The following COL4A6 variants were observed in gnomAD, a reference collection of about 807,000 sequenced individuals.
COL4A6 encodes the protein collagen type IV alpha 6 chain, also known as collagen alpha-6(IV) chain.
Under a neutral mutation model 126.7 loss-of-function variants are expected in COL4A6, and 59 were observed. That is an observed-to-expected ratio of 0.47 (90% CI 0.38 to 0.58). COL4A6 has a LOEUF of 0.58. COL4A6 is among the 20% of genes least tolerant of loss of function. The probability of loss-of-function intolerance (pLI) is 0.00; values close to 1 mark genes in which losing one functional copy is unlikely to be tolerated. For synonymous variants in COL4A6, 547 were observed against 496.6 expected, an observed-to-expected ratio of 1.10 and a Z score of -1.35; for missense variants, 1,285 against 1,337.3, an observed-to-expected ratio of 0.96 and a Z score of 0.61.
intron 8 of COL4A6, 79 bp downstream of exon 8, chrX:108,209,890 C>T (rs746310201): frequency 2.6e-4 from 284 of 1,078,752 alleles, no homozygotes; most frequent in Non-Finnish European, 3.3e-4. Flanking sequence ...GACCTTAGAA[C>T]ATCATAGAGA....
intron 13 of COL4A6, among the ~76,000 whole-genome samples, chrX:108,201,421 A>T (rs1487614142): frequency 8.9e-6 from 1 of 112,224 alleles, no homozygotes; most frequent in Non-Finnish European, 1.9e-5. Flanking sequence ...CTGTAAAAAT[A>T]TATATATACC....
rs184571309 is a variant in COL4A6 at position 108,369,993 on chromosome X, C to T, written c.64-59165G>A. On this transcript the variant is annotated intron_variant, in intron 2 of 44. Transcript: ENST00000334504. ...TCTAATCCAATCTTAACTCCCATAA[C>T]AAAGAGGGACCATTTCCCCAGAAGG... Among the ~76,000 whole-genome samples the T allele has an allele frequency of 5.3e-4, 59 of 111,977 alleles. No homozygotes were observed. In the East Asian group the frequency reaches 0.011, roughly 20 times the overall value.
At chrX:108,439,137 T>C (rs2064331984), upstream of COL4A6, among the ~76,000 whole-genome samples, 1 of 111,510 alleles carries the variant, frequency 9.0e-6, no homozygotes, top group Admixed American at 9.6e-5. Flanking sequence ...TTCCCTGCCC[T>C]AAATCTTTCT....
chrX:108,302,254 CA>C (rs758936469), intron 3 of COL4A6, among the ~76,000 whole-genome samples: 4 of 111,396 alleles, frequency 3.6e-5, no homozygotes, highest in Non-Finnish European at 7.5e-5. Flanking sequence ...ATGAAATAAA[CA>C]GCATGTTAAA....
At chrX:108,179,643 T>A (rs900319457) in intron 25 of COL4A6, among the ~76,000 whole-genome samples, 2 of 109,995 alleles carry the variant, frequency 1.8e-5, no homozygotes, top group African/African-American at 6.6e-5. Context: ...GAGGTTCTAG[T>A]TCTGGGAGGC....
At chrX:108,302,897 C>A (rs2038525997) in intron 3 of COL4A6, among the ~76,000 whole-genome samples, 1 of 110,969 alleles carries the variant, frequency 9.0e-6, no homozygotes, top group African/African-American at 3.3e-5. Flanking sequence ...ATTATTTAAT[C>A]CTAAATCTTA....
Position 108,156,693 on chromosome X carries a change from G to A in COL4A6, c.*307C>T, listed in dbSNP as rs1481814514. The A allele has an allele frequency of 1.6e-5, 5 of 322,426 alleles. No homozygotes were observed. The allele number at this position is 322,426 out of a possible 1,213,427, so 26.6% of individuals were successfully genotyped here. On this transcript the variant is annotated 3_prime_UTR_variant, in exon 45 of 45. Transcript: ENST00000334504. ...GATCAAGACGGTAAGGAGAAAGCTA[G>A]CAGTCTAAGACAGTTGTGGCCCATC...
chrX:108,160,620 A>G lies in COL4A6; in HGVS notation c.4368T>C (p.Pro1456=). The stretch of plus-strand genomic sequence containing the variant: ...CTCTCATGCTCTGGCCAGGCATTCC[A>G]GGCATCCCGAAGGGGCCTTGCTGCC... ...APGQQGPFGM[P]GMPGQSMRVG... Residue 1456 remains proline (P), a synonymous_variant, in exon 43 of 45, where the codon CCT becomes CCC. Coordinates refer to ENST00000334504, the MANE Select transcript of COL4A6 (RefSeq NM_033641.4). 1 of 1,210,044 alleles carries G rather than the reference A, an allele frequency of 8.3e-7. No homozygotes were observed. The highest frequency in any genetic ancestry group is 1.1e-6 in the Non-Finnish European group (1 of 894,732).
At position 108,196,508 on chromosome X, in the gene COL4A6, T is replaced by C; in HGVS notation, c.903+3A>G. 8.3e-7 allele frequency: 1 copy of C among 1,207,095 alleles called. No individual in the cohort carries two copies. The highest frequency in any genetic ancestry group is 1.1e-6 in the Non-Finnish European group (1 of 891,584). ...CCAGGCAAGTAACATTCGAGGTTCATACCCTAGGTCCTGGCAAACCAGGGA... is the reference window on the plus strand; with the variant it reads ...CCAGGCAAGTAACATTCGAGGTTCACACCCTAGGTCCTGGCAAACCAGGGA... On this transcript the variant is annotated splice_donor_region_variant and intron_variant, in intron 14 of 44. Transcript: ENST00000334504.
Position 108,281,421 on chromosome X carries a change from A to G in COL4A6, c.144+29327T>C, listed in dbSNP as rs770910927. Among the ~76,000 whole-genome samples, 393 of 94,184 alleles carry G rather than the reference A, an allele frequency of 4.2e-3. 4 individuals are homozygous for G. The highest frequency in any genetic ancestry group is 0.027 in the East Asian group (81 of 2,964). 81.8% of individuals were successfully genotyped at this position (94,184 alleles called of 115,157 possible). On this transcript the variant is annotated intron_variant, in intron 3 of 44. Transcript: ENST00000334504. ...TTGCTTCAAAGAGAATAAAATACCTAGGAATCCAACTTACAAGGGATGTGA... is the reference window on the plus strand; with the variant it reads ...TTGCTTCAAAGAGAATAAAATACCTGGGAATCCAACTTACAAGGGATGTGA...
intron 2 of COL4A6, among the ~76,000 whole-genome samples, chrX:108,394,922 A>G (rs2040929773): frequency 9.0e-6 from 1 of 111,326 alleles, no homozygotes; most frequent in African/African-American, 3.3e-5. Flanking sequence ...GTGGTTTTAT[A>G]TATTAAGCAG....
chrX:108,283,163 T>TA (rs1421645513), intron 3 of COL4A6, among the ~76,000 whole-genome samples: 1 of 108,572 alleles, frequency 9.2e-6, no homozygotes, highest in East Asian at 2.9e-4. Context: ...TAAAATAAAA[T>TA]AAAAAAATAA....
At chrX:108,199,893 C>A (rs2035338352) in intron 13 of COL4A6, among the ~76,000 whole-genome samples, 1 of 111,574 alleles carries the variant, frequency 9.0e-6, no homozygotes, top group South Asian at 3.8e-4. Context: ...AAAAAGCCAC[C>A]AAATTGGCTA....
intron 3 of COL4A6, among the ~76,000 whole-genome samples, chrX:108,235,464 C>T (rs1030212602): frequency 3.6e-5 from 4 of 111,407 alleles, no homozygotes; most frequent in African/African-American, 1.3e-4. Flanking sequence ...TGTTAGCAAC[C>T]TCACCCCACA....
chrX:108,160,500 A>G lies in COL4A6; in HGVS notation c.4488T>C (p.Phe1496=), dbSNP rs139424040. Residue 1496 remains phenylalanine, a synonymous_variant, in exon 43 of 45, where the codon TTT becomes TTC. Transcript: ENST00000334504. The part of the protein sequence containing the change: ...SQLWVGYSLL[F]VEGQEKAHNQ... ...TGTGGGCTTTCTCTTGCCCCTCCAC[A>G]AACAGTAAGCTGTACCCCACCCACA... 1.9e-4 allele frequency: 227 copies of G among 1,206,352 alleles called. No individual in the cohort carries two copies. Among genetic ancestry groups the G allele is most frequent in the Non-Finnish European group, 2.2e-4 (201 of 893,578 alleles).
chrX:108,221,097 CAAA>C, intron 4 of COL4A6, 140 bp downstream of exon 4: 1 of 685,208 alleles, frequency 1.5e-6, no homozygotes, highest in Non-Finnish European at 2.2e-6. Flanking sequence ...GACTCTGTCT[CAAA>C]AAAAAAAATG....
At chrX:108,213,592 G>A (rs1415904454) in intron 6 of COL4A6, among the ~76,000 whole-genome samples, 1 of 111,967 alleles carries the variant, frequency 8.9e-6, no homozygotes, top group Admixed American at 9.4e-5. Flanking sequence ...TGTTGGGGAG[G>A]GGGCTGTCTT....
intron 3 of COL4A6, among the ~76,000 whole-genome samples, chrX:108,247,890 G>A (rs1569379901): frequency 1.8e-5 from 2 of 111,505 alleles, no homozygotes; most frequent in African/African-American, 3.3e-5. Context: ...TTAAACTGGG[G>A]TATAAGAATG....
At chrX:108,206,946 G>A (rs1219045427) in intron 8 of COL4A6, among the ~76,000 whole-genome samples, 1 of 111,489 alleles carries the variant, frequency 9.0e-6, no homozygotes, top group Admixed American at 9.5e-5. Context: ...TGCCTTTGGG[G>A]TGAATTGGGG....
Sources: allele counts gnomAD v4.1 joint callset (sites outside exome capture counted in the v4.1 genomes callset), GRCh38; gene constraint gnomAD v4.1.1; transcripts MANE v1.5; gene names NCBI Gene and HGNC (gene_info 2026-07-23, HGNC 2026-07-21).